Variants in POMC observed in about 807,000 individuals in gnomAD.
POMC encodes pro-opiomelanocortin.
A neutral mutation model predicts 18.5 loss-of-function variants in POMC; 19 were observed. That is an observed-to-expected ratio of 1.03 (90% CI 0.72 to 1.51). The LOEUF (loss-of-function observed/expected upper bound fraction) is 1.51, where lower values mean the gene tolerates loss of function less well. Among genes scored for constraint, POMC ranks in the 40% most tolerant of loss-of-function variants. POMC has a pLI of 0.00. For missense variants in POMC, 451 were observed against 379.0 expected (o/e 1.19, Z -1.58); for synonymous variants, 179 against 161.9 (o/e 1.11, Z -0.80).
chr2:25,167,892 G>A (rs1418981745), intron 1 of POMC, among the ~76,000 whole-genome samples: 1 of 152,164 alleles, frequency 6.6e-6, no homozygotes, highest in African/African-American at 2.4e-5. Context: ...GGTGGCTCGC[G>A]CCTGTAATGC....
chr2:25,161,117 GT>G lies in POMC; in HGVS notation c.767del (p.Asn256ThrfsTer49), dbSNP rs932158321. On this transcript the variant is annotated frameshift_variant, in exon 3 of 3. Coordinates refer to ENST00000395826, the MANE Select transcript of POMC (RefSeq NM_000939.4). LOFTEE classifies it high-confidence loss of function. The surrounding 1 kb of genome is among the most constrained non-coding windows in gnomAD (Gnocchi z 5.7). ...TCTTGTAGGCGTTCTTGATGATGGC[GT>G]TTTTGAACAGCGTCACCAGGGGCGT... is the stretch of plus-strand genomic sequence containing the variant. ...SQTPLVTLFK[N>X]AIIKNAYKKG... is the part of the protein sequence containing the mutation. 1.2e-6 allele frequency: 2 copies of G among 1,614,004 alleles called. No homozygotes were observed. The highest frequency in any genetic ancestry group is 2.2e-5 in the East Asian group (1 of 44,862).
chr2:25,167,517 G>A (rs922702392), intron 1 of POMC, among the ~76,000 whole-genome samples: 1 of 152,148 alleles, frequency 6.6e-6, no homozygotes, highest in Non-Finnish European at 1.5e-5. Context: ...GAGGGCATCC[G>A]AAACTAGACA....
intron 1 of POMC, among the ~76,000 whole-genome samples, chr2:25,167,292 CCA>C (rs1334415202): frequency 1.3e-5 from 2 of 152,134 alleles, no homozygotes; most frequent in African/African-American, 4.8e-5. Context: ...CAAAAAAAAT[CCA>C]CACACACTTT....
At position 25,161,857 on chromosome 2, in the gene POMC, G is replaced by C. The variant is rs1447297630; in HGVS notation, c.133-105C>G. On this transcript the variant is annotated intron_variant, in intron 2 of 2. Coordinates refer to ENST00000395826, the MANE Select transcript of POMC (RefSeq NM_000939.4). The surrounding 1 kb of genome is among the most constrained non-coding windows in gnomAD (Gnocchi z 5.7). The stretch of plus-strand genomic sequence containing the variant: ...GCCCTGGCCGCCCTCGCCACGTGCC[G>C]AGGACACAGGGCACAGTGTCGGGCG... The C allele has an allele frequency of 4.1e-6, 6 of 1,451,912 alleles. No individual in the cohort carries two copies. The African/African-American group carries it at 8.7e-5, about 21-fold the overall frequency. 89.9% of individuals were successfully genotyped at this position (1,451,912 alleles called of 1,614,324 possible).
At position 25,161,635 on chromosome 2, in the gene POMC, A is replaced by C. The variant is rs748145117; in HGVS notation, c.250T>G (p.Trp84Gly). The change falls in exon 3 of 3, where the codon TGG becomes GGG. Residue 84 changes from tryptophan to glycine, a missense_variant. By Grantham distance (184) the Trp-to-Gly change is radical. Coordinates refer to ENST00000395826, the MANE Select transcript of POMC (RefSeq NM_000939.4). This position sits in a 1 kb window ranked among gnomAD's most constrained non-coding sequence, Gnocchi z 5.7. ...CTGTTGCGGCGGCCGAATCGGTCCC[A>C]GCGGAAGTGGCCCATGACGTACTTC... ...PRKYVMGHFR[W>G]DRFGRRNSSS... 4 of 1,552,500 alleles carry C rather than the reference A, an allele frequency of 2.6e-6. No homozygotes were observed. Among genetic ancestry groups the C allele is most frequent in the African/African-American group, 2.8e-5 (2 of 72,484 alleles).
At chr2:25,166,637 T>C (rs1239345637) in intron 1 of POMC, among the ~76,000 whole-genome samples, 1 of 152,246 alleles carries the variant, frequency 6.6e-6, no homozygotes, top group Non-Finnish European at 1.5e-5. Flanking sequence ...ACTTCAGGCC[T>C]TCCTGGAAAG....
At position 25,161,703 on chromosome 2, in the gene POMC, A is replaced by C; in HGVS notation, c.182T>G (p.Phe61Cys). The C allele has an allele frequency of 6.3e-7, 1 of 1,588,214 alleles. No individual in the cohort carries two copies. The highest frequency in any genetic ancestry group is 1.1e-5 in the South Asian group (1 of 87,032). ...KPDLSAETPM[F>C]PGNGDEQPLT... ...AGGCTGCTCGTCGCCATTTCCCGGG[A>C]ACATGGGAGTCTCGGCCGAGAGGTC... The change falls in exon 3 of 3, where the codon TTC becomes TGC. Residue 61 changes from phenylalanine (F) to cysteine (C), a missense_variant. Transcript: ENST00000395826. The surrounding 1 kb of genome is among the most constrained non-coding windows in gnomAD (Gnocchi z 5.7).
chr2:25,162,927 G>A (rs1671440996), intron 2 of POMC, among the ~76,000 whole-genome samples: 1 of 152,116 alleles, frequency 6.6e-6, no homozygotes, highest in Non-Finnish European at 1.5e-5. Context: ...ACTGGAGGGA[G>A]GGGTGGAAAG....
rs759095656 is a variant in POMC at position 25,161,706 on chromosome 2, A to G, written c.179T>C (p.Met60Thr). Residue 60 changes from methionine to threonine, a missense_variant, in exon 3 of 3, where the codon ATG becomes ACG. By Grantham distance (81) the Met-to-Thr change is moderately conservative. Coordinates refer to ENST00000395826, the MANE Select transcript of POMC (RefSeq NM_000939.4). The surrounding 1 kb of genome is among the most constrained non-coding windows in gnomAD (Gnocchi z 5.7). ...CKPDLSAETPMFPGNGDEQPL... is the reference protein window; with the variant it reads ...CKPDLSAETPTFPGNGDEQPL... Reference sequence around the variant, plus strand: ...CTGCTCGTCGCCATTTCCCGGGAACATGGGAGTCTCGGCCGAGAGGTCGGG... The same window carrying G: ...CTGCTCGTCGCCATTTCCCGGGAACGTGGGAGTCTCGGCCGAGAGGTCGGG... The G allele has an allele frequency of 5.7e-6, 9 of 1,589,538 alleles. No homozygotes were observed. The Admixed American group carries it at 7.0e-5, about 12-fold the overall frequency.
chr2:25,167,094 A>G (rs1671581374), intron 1 of POMC, among the ~76,000 whole-genome samples: 1 of 152,156 alleles, frequency 6.6e-6, no homozygotes, highest in Admixed American at 6.5e-5. Context: ...TCAACAAATC[A>G]TTTTGCTTGT....
rs773664098 is a variant in POMC, at chr2:25,161,741, C to G, written c.144G>C (p.Arg48=). Residue 48 remains arginine, a synonymous_variant, in exon 3 of 3, where the codon CGG becomes CGC. Coordinates refer to ENST00000395826, the MANE Select transcript of POMC (RefSeq NM_000939.4). This position sits in a 1 kb window ranked among gnomAD's most constrained non-coding sequence, Gnocchi z 5.7. ...CGGCCGAGAGGTCGGGCTTGCAGGC[C>G]CGGATGCACTCCTGGGGGAAGACGC... ...TTESNLLECI[R]ACKPDLSAET... is the part of the protein sequence containing the mutation. 11 of 1,594,194 alleles carry G rather than the reference C, an allele frequency of 6.9e-6. No homozygotes were observed. The highest frequency in any genetic ancestry group is 9.4e-6 in the Non-Finnish European group (11 of 1,171,620).
intron 2 of POMC, among the ~76,000 whole-genome samples, chr2:25,163,367 G>T (rs1671455600): frequency 6.6e-6 from 1 of 152,322 alleles, no homozygotes; most frequent in African/African-American, 2.4e-5. Flanking sequence ...TGTGCTGTGG[G>T]TGTCTCAAGT....
chr2:25,164,774 T>A lies in POMC; in HGVS notation c.-2A>T. 1 of 1,613,626 alleles carries A rather than the reference T, an allele frequency of 6.2e-7. No homozygotes were observed. The highest frequency in any genetic ancestry group is 8.5e-7 in the Non-Finnish European group (1 of 1,180,012). On this transcript the variant is annotated 5_prime_UTR_variant, in exon 2 of 3. It adds an upstream start codon to the 5' untranslated region. Transcript: ENST00000395826. ...GCGGCTGCAGCACGATCTCGGCATC[T>A]TCCAGGCAGGCTGAGGCTCTGCAGA... is the stretch of plus-strand genomic sequence containing the variant.
chr2:25,168,290 C>T lies in POMC; in HGVS notation c.-21+208G>A, dbSNP rs565937980. Among the ~76,000 whole-genome samples the T allele has an allele frequency of 1.2e-3, 182 of 152,336 alleles. No individual in the cohort carries two copies. The highest frequency in any genetic ancestry group is 2.1e-3 in the Non-Finnish European group (144 of 68,010). On this transcript the variant is annotated intron_variant, in intron 1 of 2. Transcript: ENST00000395826. The surrounding 1 kb of genome is among the most constrained non-coding windows in gnomAD (Gnocchi z 5.2). ...GCGCCTGCAGCTTCGCGGCCGTCCG[C>T]CCAGGGGCCGGACGTGGGCCCTCCA... is the stretch of plus-strand genomic sequence containing the variant.
chr2:25,164,148 G>GA (rs1287716281), intron 2 of POMC, among the ~76,000 whole-genome samples: 183 of 133,380 alleles, frequency 1.4e-3, no homozygotes, highest in African/African-American at 1.7e-3. Flanking sequence ...ACCAATTAAA[G>GA]AAAAAAAAAA....
chr2:25,163,622 T>G (rs56885325), intron 2 of POMC, among the ~76,000 whole-genome samples: 3,653 of 152,224 alleles, frequency 0.024, 139 homozygotes, highest in African/African-American at 0.082. Context: ...TATGGGGGTT[T>G]GTTTGTTTGT....
In POMC at chr2:25,161,183, G is replaced by C; in HGVS notation, c.702C>G (p.Asp234Glu). ...EHFRWGSPPK[D>E]KRYGGFMTSE... Reference sequence around the variant, plus strand: ...AGGTCATGAAACCGCCGTAGCGCTTGTCCTTGGGCGGGCTGCCCCAGCGGA... The same window carrying C: ...AGGTCATGAAACCGCCGTAGCGCTTCTCCTTGGGCGGGCTGCCCCAGCGGA... The change falls in exon 3 of 3, where the codon GAC (aspartate) becomes GAG (glutamate). Residue 234 changes from aspartate (D) to glutamate (E), a missense_variant. Physicochemically the swap from Asp to Glu is conservative, Grantham distance 45. Transcript: ENST00000395826. This position sits in a 1 kb window ranked among gnomAD's most constrained non-coding sequence, Gnocchi z 5.7. 6.2e-7 allele frequency: 1 copy of C among 1,613,908 alleles called. No individual in the cohort carries two copies.
chr2:25,162,073 A>T (rs974243549), intron 2 of POMC, among the ~76,000 whole-genome samples: 16 of 152,204 alleles, frequency 1.1e-4, no homozygotes, highest in Admixed American at 9.8e-4. Flanking sequence ...TTTTGTGAAC[A>T]GGACCAAAGT....
rs929309552 is a variant in POMC, at chr2:25,164,832, G to A, written c.-20-40C>T. The A allele has an allele frequency of 7.5e-6, 12 of 1,608,402 alleles. No individual in the cohort carries two copies. In the Middle Eastern group the frequency reaches 1.5e-3, roughly 204 times the overall value. Reference sequence around the variant, plus strand: ...AAGATTGGTGGGACCCCTGCAAGGAGCAAAACAATGTTGGCCACTCACCAG... The same window carrying A: ...AAGATTGGTGGGACCCCTGCAAGGAACAAAACAATGTTGGCCACTCACCAG... On this transcript the variant is annotated intron_variant, in intron 1 of 2. Transcript: ENST00000395826.
Sources: allele counts gnomAD v4.1 joint callset (sites outside exome capture counted in the v4.1 genomes callset), GRCh38; gene constraint gnomAD v4.1.1; non-coding constraint Gnocchi (gnomAD v3.1); transcripts MANE v1.5; gene names NCBI Gene and HGNC (gene_info 2026-07-23, HGNC 2026-07-21).